Variants in ASAH2 observed in about 807,000 individuals in gnomAD.
The protein encoded by ASAH2 is neutral ceramidase.
In ASAH2, 58 loss-of-function variants were observed where a neutral mutation model predicts 82.9. The ratio of observed to expected loss-of-function variants is 0.70; its 90% CI spans 0.57 to 0.87. ASAH2 has a LOEUF of 0.87. Among genes scored for constraint, ASAH2 ranks in the 40% least tolerant of loss-of-function variants. ASAH2 has a pLI of 0.00. For missense variants in ASAH2, 779 were observed against 834.0 expected (o/e 0.93, Z 0.81); for synonymous variants, 276 against 289.7 (o/e 0.95, Z 0.48).
At chr10:50,199,005 C>CACACAT in intron 17 of ASAH2, 46 bp downstream of exon 17, 3 of 1,587,758 alleles carry the variant, frequency 1.9e-6, no homozygotes, top group Non-Finnish European at 2.6e-6. Context: ...CACACACACA[C>CACACAT]ACACACACGC....
In ASAH2 at chr10:50,203,609, A is replaced by G. The variant is rs1051235089; in HGVS notation, c.1665+31T>C. The G allele has an allele frequency of 4.5e-4, 629 of 1,400,078 alleles. 2 individuals are homozygous for G. The African/African-American group carries it at 7.9e-3, about 17-fold the overall frequency. The allele number at this position is 1,400,078 out of a possible 1,614,324, so 86.7% of individuals were successfully genotyped here. The stretch of plus-strand genomic sequence containing the variant: ...ACTTTCCTCTTCACCAAACATGAAC[A>G]TGTAGATATGTTATTTTATTTTTAA... On this transcript the variant is annotated intron_variant, in intron 15 of 20. Coordinates refer to ENST00000682911, the MANE Select transcript of ASAH2 (RefSeq NM_019893.4).
At chr10:50,245,732 A>C (rs184411323) in intron 2 of ASAH2, among the ~76,000 whole-genome samples, 16 of 152,244 alleles carry the variant, frequency 1.1e-4, no homozygotes, top group Non-Finnish European at 1.9e-4. Flanking sequence ...GCCTTCACTC[A>C]ACACCCTGCT....
intron 7 of ASAH2, among the ~76,000 whole-genome samples, chr10:50,227,495 G>A (rs1046923747): frequency 6.6e-6 from 1 of 152,128 alleles, no homozygotes; most frequent in Admixed American, 6.5e-5. Context: ...AAAATGAACA[G>A]AAGCAAATGC....
Position 50,199,068 on chromosome 10 carries a change from C to G in ASAH2, c.1840G>C (p.Ala614Pro). 1.9e-6 allele frequency: 3 copies of G among 1,613,218 alleles called. No homozygotes were observed. In the South Asian group the frequency reaches 3.3e-5, roughly 18 times the overall value. Residue 614 changes from alanine (A) to proline (P), a missense_variant, in exon 17 of 21, where the codon GCT (alanine) becomes CCT (proline). Ala to Pro is a conservative substitution (Grantham distance 27, BLOSUM62 -1). Transcript: ENST00000682911. Reference sequence around the variant, plus strand: ...TTGATTACCGTAGCAATAGCCTTAGCAAGGTTTCTGAAGAGCTGAATGTAA... The same window carrying G: ...TTGATTACCGTAGCAATAGCCTTAGGAAGGTTTCTGAAGAGCTGAATGTAA... ...SAYIQLFRNL[A>P]KAIATDTVAN...
At chr10:50,218,479 A>C (rs1845666162) in intron 8 of ASAH2, 31 bp downstream of exon 8, 1 of 1,613,634 alleles carries the variant, frequency 6.2e-7, no homozygotes, top group South Asian at 1.1e-5. Flanking sequence ...CAGTGAATCA[A>C]GATGAAGCTT....
intron 1 of ASAH2, among the ~76,000 whole-genome samples, 149 bp from the exon 2 acceptor site, chr10:50,248,795 A>T (rs1395856854): frequency 6.6e-6 from 1 of 152,240 alleles, no homozygotes. Context: ...CCCATGGCAG[A>T]CAAGACCAAT....
Position 50,198,991 on chromosome 10 carries a change from T to TAC in ASAH2, c.1857+58_1857+59dup, listed in dbSNP as rs1264348423. ...ACCCAGACACAGACACATACAGACA[T>TAC]ACACACACACACACACACACACGCA... On this transcript the variant is annotated intron_variant, in intron 17 of 20. Coordinates refer to ENST00000682911, the MANE Select transcript of ASAH2 (RefSeq NM_019893.4). 3.9e-3 allele frequency: 5,559 copies of TAC among 1,424,904 alleles called. 9 individuals carry two copies. The highest frequency in any genetic ancestry group is 0.02 in the African/African-American group (1,381 of 70,174). The allele number at this position is 1,424,904 out of a possible 1,614,324, so 88.3% of individuals were successfully genotyped here.
intron 15 of ASAH2, among the ~76,000 whole-genome samples, chr10:50,203,437 A>G: frequency 6.6e-6 from 1 of 152,146 alleles, no homozygotes; most frequent in Non-Finnish European, 1.5e-5. Flanking sequence ...ATTAATACAT[A>G]AATACCAATA....
chr10:50,218,565 C>A lies in ASAH2; in HGVS notation c.959G>T (p.Gly320Val). The A allele has an allele frequency of 6.2e-7, 1 of 1,613,696 alleles. No individual in the cohort carries two copies. The highest frequency in any genetic ancestry group is 8.5e-7 in the Non-Finnish European group (1 of 1,179,754). ...SNHLVNSDNV[G>V]YASYLLEQEK... ...TTGCTCAAGCAGGTAAGATGCATAG[C>A]CCACATTGTCACTGTTTACAAGATG... Residue 320 changes from glycine (G) to valine (V), a missense_variant, in exon 8 of 21, where the codon GGC becomes GTC. Coordinates refer to ENST00000682911, the MANE Select transcript of ASAH2 (RefSeq NM_019893.4).
intron 18 of ASAH2, among the ~76,000 whole-genome samples, chr10:50,194,801 G>T (rs2813331): frequency 4.0e-5 from 6 of 151,808 alleles, no homozygotes; most frequent in Admixed American, 2.6e-4. Context: ...TGCCAAGAAC[G>T]CACAATGGGG....
At position 50,225,907 on chromosome 10, in the gene ASAH2, A is replaced by G. The variant is rs998016199; in HGVS notation, c.893+7277T>C. 1.7e-3 allele frequency among the ~76,000 whole-genome samples: 252 copies of G among 152,204 alleles called. 1 individual carries two copies. The highest frequency in any genetic ancestry group is 5.8e-3 in the African/African-American group (242 of 41,518). ...GGAGTTTGAGACTAGCCTGGCCAAC[A>G]TGGTGAAACCCCGTCTCTACTAAAA... On this transcript the variant is annotated intron_variant, in intron 7 of 20. Coordinates refer to ENST00000682911, the MANE Select transcript of ASAH2 (RefSeq NM_019893.4).
At chr10:50,218,673 A>G in intron 7 of ASAH2, 43 bp from the exon 8 acceptor site, 3 of 1,612,784 alleles carry the variant, frequency 1.9e-6, no homozygotes, top group Non-Finnish European at 2.5e-6. Context: ...GGAGAACGAG[A>G]GAACTGGGGC....
At chr10:50,203,490 T>C in intron 15 of ASAH2, 150 bp downstream of exon 15, 2 of 772,980 alleles carry the variant, frequency 2.6e-6, no homozygotes, top group Middle Eastern at 2.9e-4. Context: ...GTTTTTTAAG[T>C]CTGGTTCTTA....
At chr10:50,250,855 C>A (rs1238130437) in intron 1 of ASAH2, among the ~76,000 whole-genome samples, 2 of 152,208 alleles carry the variant, frequency 1.3e-5, no homozygotes, top group Admixed American at 1.3e-4. Flanking sequence ...AGTGTTTCCA[C>A]CTATTACGTG....
intron 16 of ASAH2, 93 bp downstream of exon 16, chr10:50,202,736 T>C (rs917212191): frequency 5.6e-6 from 5 of 894,238 alleles, no homozygotes; most frequent in East Asian, 2.4e-5. Flanking sequence ...CTCAGAAACA[T>C]GACTGGGAAA....
chr10:50,238,705 C>A (rs910329852), intron 4 of ASAH2, among the ~76,000 whole-genome samples: 2 of 152,102 alleles, frequency 1.3e-5, no homozygotes, highest in African/African-American at 2.4e-5. Flanking sequence ...AGCTCCCTAA[C>A]CCCATCCTAT....
intron 13 of ASAH2, among the ~76,000 whole-genome samples, chr10:50,205,685 T>A (rs1845274396): frequency 6.6e-6 from 1 of 152,004 alleles, no homozygotes; most frequent in Non-Finnish European, 1.5e-5. Context: ...ACTCCCTTCT[T>A]GGAACCAACA....
chr10:50,209,065 G>T (rs1284585846), intron 12 of ASAH2, among the ~76,000 whole-genome samples: 1 of 152,126 alleles, frequency 6.6e-6, no homozygotes, highest in Non-Finnish European at 1.5e-5. Context: ...AATAAGTGGT[G>T]CTAGGATAAC....
At chr10:50,250,653 G>C (rs1398425158) in intron 1 of ASAH2, among the ~76,000 whole-genome samples, 1 of 152,144 alleles carries the variant, frequency 6.6e-6, no homozygotes, top group Non-Finnish European at 1.5e-5. Flanking sequence ...TACTAGCCAA[G>C]ATGACTGACA....
Sources: gnomAD v4.1 joint callset for allele counts (sites outside exome capture counted in the v4.1 genomes callset) on GRCh38, gnomAD v4.1.1 for gene constraint, MANE v1.5 for transcripts, NCBI Gene and HGNC (gene_info 2026-07-23, HGNC 2026-07-21) for gene names.